Variants in HS1BP3 observed in about 807,000 individuals in gnomAD.
HS1BP3 encodes the protein HCLS1-binding protein 3.
Under a neutral mutation model 33.5 loss-of-function variants are expected in HS1BP3, and 32 were observed. That is an observed-to-expected ratio of 0.95 (90% confidence interval 0.72 to 1.28). The LOEUF (loss-of-function observed/expected upper bound fraction) is 1.28. HS1BP3 is among the 50% of genes most tolerant of loss of function. HS1BP3 has a pLI of 0.00. For missense variants in HS1BP3, 486 were observed against 502.3 expected (o/e 0.97, Z 0.31); for synonymous variants, 187 against 209.2 (o/e 0.89, Z 0.92).
downstream of HS1BP3, among the ~76,000 whole-genome samples, chr2:20,591,633 G>A (rs555472432): frequency 1.1e-3 from 172 of 152,264 alleles, no homozygotes; most frequent in Admixed American, 3.5e-3. Flanking sequence ...GTACAGTGGC[G>A]CGATCTTGGC....
chr2:20,628,808 C>G (rs1219603091), intron 4 of HS1BP3, among the ~76,000 whole-genome samples: 1 of 152,122 alleles, frequency 6.6e-6, no homozygotes, highest in Non-Finnish European at 1.5e-5. Flanking sequence ...ATCTTGGGTA[C>G]AGGACCTGAG....
chr2:20,621,849 C>A (rs1368686844), intron 6 of HS1BP3, among the ~76,000 whole-genome samples: 1 of 152,188 alleles, frequency 6.6e-6, no homozygotes, highest in Non-Finnish European at 1.5e-5. Flanking sequence ...TGCAAGGCAC[C>A]CCTTTTCCAA....
intron 5 of HS1BP3, among the ~76,000 whole-genome samples, chr2:20,586,937 T>C (rs961159891): frequency 6.6e-6 from 1 of 152,226 alleles, no homozygotes; most frequent in African/African-American, 2.4e-5. Context: ...CATAAGCTGG[T>C]GTAGACCGTA....
At chr2:20,555,125 A>G in the HS1BP3 span, among the ~76,000 whole-genome samples, 1 of 152,156 alleles carries the variant, frequency 6.6e-6, no homozygotes, top group South Asian at 2.1e-4. Context: ...CCATTGTCTC[A>G]CTAAGCTCAC....
intron 5 of HS1BP3, among the ~76,000 whole-genome samples, chr2:20,571,712 G>C (rs1236449365): frequency 6.6e-6 from 1 of 152,118 alleles, no homozygotes. Flanking sequence ...CCCTGCCTTG[G>C]GCCCATGCTC....
chr2:20,610,170 C>T (rs1694290385), intron 2 of HS1BP3, among the ~76,000 whole-genome samples: 1 of 152,206 alleles, frequency 6.6e-6, no homozygotes, highest in Non-Finnish European at 1.5e-5. Flanking sequence ...ACAGCCTGCA[C>T]CAGAGTGGGA....
At chr2:20,571,305 C>T (rs1223940185) in intron 5 of HS1BP3, among the ~76,000 whole-genome samples, 1 of 152,114 alleles carries the variant, frequency 6.6e-6, no homozygotes, top group Non-Finnish European at 1.5e-5. Flanking sequence ...GGAGCAAGCT[C>T]TAGGCTGGGG....
intron 6 of HS1BP3, among the ~76,000 whole-genome samples, chr2:20,619,637 G>A (rs150937427): frequency 9.2e-5 from 14 of 152,280 alleles, no homozygotes; most frequent in South Asian, 2.1e-4. Flanking sequence ...CTTCAGACAC[G>A]TTATCATATC....
At chr2:20,630,997 A>G (rs1056625572) in intron 4 of HS1BP3, among the ~76,000 whole-genome samples, 1 of 152,118 alleles carries the variant, frequency 6.6e-6, no homozygotes, top group African/African-American at 2.4e-5. Flanking sequence ...CTTGTATAGG[A>G]TCTGGACCAG....
intron 2 of HS1BP3, chr2:20,606,438 C>A (rs2149284599): frequency 2.1e-6 from 1 of 477,774 alleles, no homozygotes; most frequent in South Asian, 1.7e-5. Flanking sequence ...CTCTCAGACA[C>A]CATAGCTGGG....
chr2:20,635,543 A>G (rs1406663322), intron 4 of HS1BP3: 1 of 152,214 alleles, frequency 6.6e-6, no homozygotes. Context: ...TCACAATGAA[A>G]AAGGTTTCCC....
chr2:20,580,848 A>G (rs1448178907), intron 5 of HS1BP3, among the ~76,000 whole-genome samples: 1 of 152,234 alleles, frequency 6.6e-6, no homozygotes, highest in Non-Finnish European at 1.5e-5. Flanking sequence ...CCTGGAAGTT[A>G]TTCTTGAAAA....
chr2:20,584,194 GGT>G (rs1307914000), intron 5 of HS1BP3, among the ~76,000 whole-genome samples: 3 of 152,212 alleles, frequency 2.0e-5, no homozygotes, highest in Non-Finnish European at 2.9e-5. Flanking sequence ...CACCCTTCCT[GGT>G]GCTGCTTCTA....
chr2:20,614,001 A>G (rs1694366598), downstream of HS1BP3, among the ~76,000 whole-genome samples: 1 of 152,256 alleles, frequency 6.6e-6, no homozygotes, highest in African/African-American at 2.4e-5. Flanking sequence ...ATCAGATTAC[A>G]GTGGGCCGTA....
chr2:20,629,532 T>C (rs1012692965), intron 4 of HS1BP3, among the ~76,000 whole-genome samples: 8 of 152,108 alleles, frequency 5.3e-5, no homozygotes, highest in African/African-American at 1.9e-4. Context: ...CAAAGAGAGG[T>C]CTGCAGGGAA....
chr2:20,634,649 C>A (rs542381845), intron 4 of HS1BP3: 1 of 152,350 alleles, frequency 6.6e-6, no homozygotes, highest in East Asian at 1.9e-4. Flanking sequence ...CTTGGGTTAG[C>A]AAATCTGGGA....
the HS1BP3 span, among the ~76,000 whole-genome samples, chr2:20,554,710 A>C: frequency 5.3e-5 from 8 of 151,662 alleles, no homozygotes; most frequent in Non-Finnish European, 8.8e-5. Context: ...ACCTCACAAA[A>C]AAAAAAAAAA....
At chr2:20,631,431 G>T (rs1694963477) in intron 4 of HS1BP3, among the ~76,000 whole-genome samples, 1 of 142,772 alleles carries the variant, frequency 7.0e-6, no homozygotes, top group Non-Finnish European at 1.5e-5. Flanking sequence ...GGGAGGATCA[G>T]TTAAGTCTGG....
chr2:20,580,834 G>A (rs751118436), intron 5 of HS1BP3, among the ~76,000 whole-genome samples: 12 of 152,204 alleles, frequency 7.9e-5, no homozygotes, highest in Admixed American at 5.9e-4. Context: ...CAAGTGATGA[G>A]CAACCTGGAA....
Sources: gnomAD v4.1 joint callset for allele counts (sites outside exome capture counted in the v4.1 genomes callset) on GRCh38, gnomAD v4.1.1 for gene constraint, MANE v1.5 for transcripts, NCBI Gene and HGNC (gene_info 2026-07-23, HGNC 2026-07-21) for gene names.